The following GNS variants were observed in gnomAD, a reference collection of about 807,000 sequenced individuals.
GNS encodes N-acetylglucosamine-6-sulfatase.
GNS carries 40 observed loss-of-function variants against 69.7 expected under a neutral mutation model. The observed-to-expected ratio is 0.57, with a 90% CI of 0.45 to 0.75. The LOEUF is 0.75. GNS is among the 30% of genes least tolerant of loss of function. The pLI, the probability that GNS is intolerant of heterozygous loss-of-function variation, is 0.00. For synonymous variants in GNS, 243 were observed against 251.6 expected, an observed-to-expected ratio of 0.97 and a Z score of 0.32; for missense variants, 565 against 685.5, an observed-to-expected ratio of 0.82 and a Z score of 1.96.
At chr12:64,742,122 G>A (rs535203804) in intron 6 of GNS, among the ~76,000 whole-genome samples, 7 of 152,220 alleles carry the variant, frequency 4.6e-5, no homozygotes, top group African/African-American at 7.2e-5. Context: ...CCGGGTTCAC[G>A]CCATTCTCCT....
intron 1 of GNS, among the ~76,000 whole-genome samples, chr12:64,758,483 C>T (rs1485055664): frequency 6.6e-6 from 1 of 152,008 alleles, no homozygotes; most frequent in African/African-American, 2.4e-5. Flanking sequence ...CCACCACGCC[C>T]AGCTAGAATT....
chr12:64,716,581 G>T lies in GNS; in HGVS notation c.*160C>A. ...GAGTTCACAGTTTAACACATTGCAC[G>T]AGGAAGTCAGCTGACTGGGTTGCTT... is the stretch of plus-strand genomic sequence containing the variant. On this transcript the variant is annotated 3_prime_UTR_variant, in exon 14 of 14. Transcript: ENST00000258145. 1 of 685,032 alleles carries T rather than the reference G, an allele frequency of 1.5e-6. No individual in the cohort carries two copies. Among genetic ancestry groups the T allele is most frequent in the South Asian group, 1.5e-5 (1 of 66,192 alleles). 42.4% of individuals were successfully genotyped at this position (685,032 alleles called of 1,614,324 possible).
In GNS at chr12:64,752,715, T is replaced by C. The variant is rs1870116773; in HGVS notation, c.235A>G (p.Met79Val). 6.5e-7 allele frequency: 1 copy of C among 1,527,014 alleles called. No individual in the cohort carries two copies. The highest frequency in any genetic ancestry group is 9.1e-7 in the Non-Finnish European group (1 of 1,102,256). 94.6% of individuals were successfully genotyped at this position (1,527,014 alleles called of 1,614,324 possible). ...KTKALIGEMG[M>V]TFSSAYVPSA... is the part of the protein sequence containing the mutation. ...AAACTTACAGCACTGGAAAAAGTCA[T>C]CCCCATCTCTCCGATGAGAGCTTTG... The change falls in exon 2 of 14, where the codon ATG becomes GTG. Residue 79 changes from methionine to valine, a missense_variant. Met to Val is a conservative substitution (Grantham distance 21). Coordinates refer to ENST00000258145, the MANE Select transcript of GNS (RefSeq NM_002076.4).
In GNS at chr12:64,721,621, G is replaced by C; in HGVS notation, c.1393C>G (p.Gln465Glu). 6.3e-7 allele frequency: 1 copy of C among 1,576,346 alleles called. No homozygotes were observed. The highest frequency in any genetic ancestry group is 1.1e-5 in the South Asian group (1 of 90,322). Residue 465 changes from glutamine (Q) to glutamate (E), a missense_variant, in exon 12 of 14, where the codon CAG becomes GAG. Coordinates refer to ENST00000258145, the MANE Select transcript of GNS (RefSeq NM_002076.4). Reference protein sequence around the residue: ...VRTMSALWNLQYCEFDDQEVF... With the variant: ...VRTMSALWNLEYCEFDDQEVF... ...TCCTGGTCATCAAACTCGCAATACT[G>C]CAAATTCCACAATGCTGACATTGTC... is the stretch of plus-strand genomic sequence containing the variant.
intron 9 of GNS, 102 bp from the exon 10 acceptor site, chr12:64,729,159 A>G: frequency 1.4e-6 from 1 of 732,226 alleles, no homozygotes. Flanking sequence ...ATGAGACAAC[A>G]GCACTATTAC....
At position 64,732,159 on chromosome 12, in the gene GNS, TTTTTTTGTTG is replaced by T. The variant is rs1411600575; in HGVS notation, c.1099-3112_1099-3103del. 4.3e-4 allele frequency among the ~76,000 whole-genome samples: 42 copies of T among 97,972 alleles called. 7 individuals are homozygous for T. Among genetic ancestry groups the T allele is most frequent in the African/African-American group, 1.6e-3 (33 of 20,936 alleles). 64.3% of individuals were successfully genotyped at this position (97,972 alleles called of 152,430 possible). ...CTGCCACCACACCTGGCTAATTTTT[TTTTTTTGTTG>T]TTTTTTTTTTTTTTTTGAGACGGAG... On this transcript the variant is annotated intron_variant, in intron 9 of 13. Transcript: ENST00000258145.
chr12:64,732,261 G>A (rs1171683259), intron 9 of GNS, among the ~76,000 whole-genome samples: 6 of 149,414 alleles, frequency 4.0e-5, no homozygotes, highest in Non-Finnish European at 5.9e-5. Context: ...TCTGCCTCCC[G>A]GTTTGATGCC....
At chr12:64,756,140 C>T (rs780413690) in intron 1 of GNS, among the ~76,000 whole-genome samples, 7 of 152,126 alleles carry the variant, frequency 4.6e-5, no homozygotes, top group African/African-American at 7.2e-5. Flanking sequence ...ATGTTAAAGA[C>T]GATGCTACTA....
chr12:64,722,981 T>C, intron 11 of GNS, 25 bp downstream of exon 11: 1 of 1,337,952 alleles, frequency 7.5e-7, no homozygotes. Context: ...GAAAGCTGTC[T>C]AAGTTGATTC....
chr12:64,751,486 T>C (rs903784524), intron 2 of GNS, among the ~76,000 whole-genome samples: 2 of 152,182 alleles, frequency 1.3e-5, no homozygotes, highest in African/African-American at 4.8e-5. Flanking sequence ...CTAACAGCAA[T>C]GCCCTGAGTC....
At chr12:64,738,451 G>A (rs1334551380) in intron 8 of GNS, among the ~76,000 whole-genome samples, 1 of 152,172 alleles carries the variant, frequency 6.6e-6, no homozygotes, top group African/African-American at 2.4e-5. Flanking sequence ...CAAAAGACTG[G>A]CCTCATGCAG....
chr12:64,756,789 T>C lies in GNS; in HGVS notation c.192+2296A>G, dbSNP rs115831782. ...TAGAAGAGAAGCCAGAATTCTTGAG[T>C]TTGGAACATTAAGTTTGACTTATGC... On this transcript the variant is annotated intron_variant, in intron 1 of 13. Transcript: ENST00000258145. The C allele has an allele frequency of 4.6e-4, 594 of 1,291,484 alleles. 2 individuals are homozygous for C. The African/African-American group carries it at 8.3e-3, about 18-fold the overall frequency. 80.0% of individuals were successfully genotyped at this position (1,291,484 alleles called of 1,614,324 possible).
intron 6 of GNS, among the ~76,000 whole-genome samples, 192 bp downstream of exon 6, chr12:64,742,949 T>C (rs950917502): frequency 1.3e-5 from 2 of 152,226 alleles, no homozygotes; most frequent in Non-Finnish European, 2.9e-5. Flanking sequence ...AGCTGCTCAC[T>C]GGATGTGTAG....
At chr12:64,736,944 C>CT (rs1869573872) in intron 9 of GNS, 60 bp downstream of exon 9, 4 of 855,206 alleles carry the variant, frequency 4.7e-6, no homozygotes, top group Non-Finnish European at 8.2e-6. Context: ...CAGGAGGAAA[C>CT]ACCTTATTTT....
chr12:64,721,752 A>G (rs1201318464), intron 11 of GNS, 47 bp from the exon 12 acceptor site: 3 of 963,346 alleles, frequency 3.1e-6, no homozygotes, highest in Non-Finnish European at 5.1e-6. Context: ...CTTCCATAGT[A>G]ACAAATACCT....
chr12:64,744,692 C>T (rs1432332715), intron 5 of GNS, 117 bp downstream of exon 5: 1 of 714,240 alleles, frequency 1.4e-6, no homozygotes, highest in Non-Finnish European at 2.6e-6. Flanking sequence ...GACCAAGTTA[C>T]TGTGCATTTA....
intron 9 of GNS, among the ~76,000 whole-genome samples, chr12:64,733,297 C>CAAAAAAA (rs961321163): frequency 3.8e-5 from 1 of 26,640 alleles, no homozygotes; most frequent in Non-Finnish European, 7.7e-5. Context: ...GACCCTGTCT[C>CAAAAAAA]AAAAAAAAAA....
Position 64,723,001 on chromosome 12 carries a change from C to A in GNS, c.1308+5G>T. The A allele has an allele frequency of 6.5e-7, 1 of 1,536,730 alleles. No individual in the cohort carries two copies. On this transcript the variant is annotated splice_donor_5th_base_variant and intron_variant, in intron 11 of 13. Transcript: ENST00000258145. ...CTGTCTAAGTTGATTCAAGCTATTACTCACAGATACGCCAGGACTCAGGGA... is the reference window on the plus strand; with the variant it reads ...CTGTCTAAGTTGATTCAAGCTATTAATCACAGATACGCCAGGACTCAGGGA...
At chr12:64,739,845 A>G (rs1213228754) in intron 7 of GNS, among the ~76,000 whole-genome samples, 2 of 152,280 alleles carry the variant, frequency 1.3e-5, no homozygotes, top group Non-Finnish European at 2.9e-5. Context: ...GAGTAGAGAC[A>G]ATCGGAAGGA....
Sources: gnomAD v4.1 joint callset for allele counts (sites outside exome capture counted in the v4.1 genomes callset) on GRCh38, gnomAD v4.1.1 for gene constraint, MANE v1.5 for transcripts, NCBI Gene and HGNC (gene_info 2026-07-23, HGNC 2026-07-21) for gene names.